Variants in HTR3B observed in about 807,000 individuals in gnomAD.
HTR3B encodes 5-hydroxytryptamine receptor 3B, also known as 5-hydroxytryptamine (serotonin) receptor 3B, ionotropic.
Under a neutral mutation model 42.8 loss-of-function variants are expected in HTR3B, and 44 were observed. The observed-to-expected ratio is 1.03, with a 90% CI of 0.81 to 1.32. The LOEUF is 1.32. Among genes scored for constraint, HTR3B ranks in the 40% most tolerant of loss-of-function variants. The probability of loss-of-function intolerance (pLI) is 0.00; values close to 1 mark genes in which losing one functional copy is unlikely to be tolerated. For synonymous variants in HTR3B, 203 were observed against 209.0 expected, an observed-to-expected ratio of 0.97 and a Z score of 0.25; for missense variants, 527 against 536.5, an observed-to-expected ratio of 0.98 and a Z score of 0.17.
chr11:113,903,166 T>C (rs1168071958), upstream of HTR3B, among the ~76,000 whole-genome samples: 1 of 152,122 alleles, frequency 6.6e-6, no homozygotes, highest in Admixed American at 6.5e-5. Context: ...CCATTGCACC[T>C]GGCCCACCTT....
At chr11:113,904,010 T>C (rs1422265449), upstream of HTR3B, among the ~76,000 whole-genome samples, 2 of 152,230 alleles carry the variant, frequency 1.3e-5, no homozygotes, top group Non-Finnish European at 2.9e-5. Context: ...AAAATTTATA[T>C]CAAAATTTGC....
At chr11:113,945,799 C>T in intron 8 of HTR3B, 103 bp from the exon 9 acceptor site, 1 of 807,670 alleles carries the variant, frequency 1.2e-6, no homozygotes. Flanking sequence ...CTCAGTTTCA[C>T]CTGCAACTTT....
Position 113,945,884 on chromosome 11 carries a change from T to C in HTR3B, c.1091-18T>C. 1 of 1,593,168 alleles carries C rather than the reference T, an allele frequency of 6.3e-7. No individual in the cohort carries two copies. ...GGTAGTCCCTGGCTCACCCAGGGTG[T>C]TTTCCTCCATCACACAGAGTCCTCG... On this transcript the variant is annotated intron_variant, in intron 8 of 8. Coordinates refer to ENST00000260191, the MANE Select transcript of HTR3B (RefSeq NM_006028.5).
At chr11:113,901,638 T>C (rs1591566105), upstream of HTR3B, among the ~76,000 whole-genome samples, 1 of 152,292 alleles carries the variant, frequency 6.6e-6, no homozygotes, top group Admixed American at 6.5e-5. Flanking sequence ...ACAGAATTCA[T>C]CAGCCAATAA....
At chr11:113,906,232 A>G (rs1949732634) in intron 1 of HTR3B, among the ~76,000 whole-genome samples, 1 of 152,148 alleles carries the variant, frequency 6.6e-6, no homozygotes, top group African/African-American at 2.4e-5. Context: ...GGGTTTTACT[A>G]TGTTTACTTT....
At position 113,904,978 on chromosome 11, in the gene HTR3B, G is replaced by C; in HGVS notation, c.45G>C (p.Val15=). 1 of 1,611,222 alleles carries C rather than the reference G, an allele frequency of 6.2e-7. No homozygotes were observed. Among genetic ancestry groups the C allele is most frequent in the Non-Finnish European group, 8.5e-7 (1 of 1,177,464 alleles). ...CTCCCCTGTGGGCCTGCATCCTGGT[G>C]GCTGCAGGTGAGTCCTTTTAATAAT... The part of the protein sequence containing the change: ...VMAPLWACIL[V]AAGILATDTH... The change falls in exon 1 of 9, where the codon GTG becomes GTC. Residue 15 remains valine, a synonymous_variant. Coordinates refer to ENST00000260191, the MANE Select transcript of HTR3B (RefSeq NM_006028.5).
intron 2 of HTR3B, among the ~76,000 whole-genome samples, chr11:113,925,413 ATTTGTTTTT>A (rs1949959590): frequency 1.4e-5 from 2 of 139,362 alleles, no homozygotes; most frequent in South Asian, 4.5e-4. Context: ...TGTTTTACGA[ATTTGTTTTT>A]TTTTTTTTTT....
intron 2 of HTR3B, among the ~76,000 whole-genome samples, chr11:113,916,321 GC>G (rs1331265698): frequency 1.3e-5 from 2 of 152,084 alleles, no homozygotes; most frequent in Admixed American, 6.6e-5. Flanking sequence ...TTAAAGTTGG[GC>G]TGTTTATTAT....
rs148315664 is a variant in HTR3B at position 113,935,577 on chromosome 11, C to A, written c.696+2484C>A. Among the ~76,000 whole-genome samples the A allele has an allele frequency of 2.4e-3, 361 of 152,298 alleles. 2 individuals are homozygous for A. Among genetic ancestry groups the A allele is most frequent in the African/African-American group, 8.1e-3 (338 of 41,564 alleles). Reference sequence around the variant, plus strand: ...CTCCCAACCTCGCTCAGCCTCCATGCATTTCTGCTCTGTGCACAGAGCCTA... The same window carrying A: ...CTCCCAACCTCGCTCAGCCTCCATGAATTTCTGCTCTGTGCACAGAGCCTA... On this transcript the variant is annotated intron_variant, in intron 6 of 8. Transcript: ENST00000260191.
chr11:113,899,281 AGT>A, the HTR3B span, among the ~76,000 whole-genome samples: 1 of 152,338 alleles, frequency 6.6e-6, no homozygotes, highest in East Asian at 1.9e-4. Flanking sequence ...TCGAATGCTG[AGT>A]GTGTCTTTGG....
chr11:113,942,172 C>A (rs1388097965), intron 6 of HTR3B, among the ~76,000 whole-genome samples: 4 of 152,140 alleles, frequency 2.6e-5, no homozygotes, highest in African/African-American at 9.7e-5. Context: ...GAGTTGGAGA[C>A]CAGCCTGGCC....
intron 7 of HTR3B, among the ~76,000 whole-genome samples, chr11:113,944,326 T>C (rs889830570): frequency 2.0e-5 from 3 of 152,104 alleles, no homozygotes; most frequent in African/African-American, 7.2e-5. Flanking sequence ...CCGTGAGGCC[T>C]TGTCTCTACC....
intron 2 of HTR3B, among the ~76,000 whole-genome samples, chr11:113,926,727 C>A (rs944936647): frequency 2.6e-5 from 4 of 152,046 alleles, no homozygotes; most frequent in Non-Finnish European, 5.9e-5. Flanking sequence ...AAGGGTTTCA[C>A]CATGTTGGCC....
At position 113,933,050 on chromosome 11, in the gene HTR3B, T is replaced by A; in HGVS notation, c.653T>A (p.Ile218Asn). The A allele has an allele frequency of 6.2e-7, 1 of 1,614,200 alleles. No individual in the cohort carries two copies. The highest frequency in any genetic ancestry group is 8.5e-7 in the Non-Finnish European group (1 of 1,180,026). Residue 218 changes from isoleucine (I) to asparagine (N), a missense_variant, in exon 6 of 9, where the codon ATC becomes AAC. By Grantham distance (149) the Ile-to-Asn change is moderately radical (BLOSUM62 -3). Coordinates refer to ENST00000260191, the MANE Select transcript of HTR3B (RefSeq NM_006028.5). ...CTATCTGTGTCCTCCACATACAGCA[T>A]CCTGCAGAGCAGCGCTGGAGGATTT... ...ELLSVSSTYS[I>N]LQSSAGGFAQ...
intron 5 of HTR3B, 70 bp downstream of exon 5, chr11:113,932,528 C>G: frequency 8.1e-7 from 1 of 1,239,922 alleles, no homozygotes; most frequent in Non-Finnish European, 1.1e-6. Flanking sequence ...TACTATCCTT[C>G]AGGTCTATTT....
At chr11:113,936,682 A>G (rs1487632012) in intron 6 of HTR3B, among the ~76,000 whole-genome samples, 3 of 152,082 alleles carry the variant, frequency 2.0e-5, no homozygotes, top group Non-Finnish European at 4.4e-5. Context: ...AGTAACTCTG[A>G]CTCCGGTGCT....
At chr11:113,931,347 T>C in intron 2 of HTR3B, 37 bp from the exon 3 acceptor site, 1 of 1,526,220 alleles carries the variant, frequency 6.6e-7, no homozygotes, top group South Asian at 1.2e-5. Context: ...TTATTGACAT[T>C]CTAAGATTTG....
intron 6 of HTR3B, among the ~76,000 whole-genome samples, chr11:113,935,809 C>A (rs559841013): frequency 6.6e-6 from 1 of 152,252 alleles, no homozygotes; most frequent in East Asian, 1.9e-4. Flanking sequence ...GGCTGCCCAG[C>A]GGGAGGTTGG....
At chr11:113,917,858 G>A (rs1297773630) in intron 2 of HTR3B, among the ~76,000 whole-genome samples, 3 of 152,068 alleles carry the variant, frequency 2.0e-5, no homozygotes, top group African/African-American at 7.2e-5. Context: ...GCCCACCTTG[G>A]CCACCCAAAG....
Sources: gnomAD v4.1 joint callset for allele counts (sites outside exome capture counted in the v4.1 genomes callset) on GRCh38, gnomAD v4.1.1 for gene constraint, MANE v1.5 for transcripts, NCBI Gene and HGNC (gene_info 2026-07-23, HGNC 2026-07-21) for gene names.